RANBP2: variants seen among roughly 807,000 people sequenced by gnomAD.
The protein encoded by RANBP2 is E3 SUMO-protein ligase RanBP2.
A neutral mutation model predicts 303.6 loss-of-function variants in RANBP2; 57 were observed. The ratio of observed to expected loss-of-function variants is 0.19; its 90% CI spans 0.15 to 0.23. The LOEUF (loss-of-function observed/expected upper bound fraction) is 0.23. Among genes scored for constraint, RANBP2 ranks in the 10% least tolerant of loss-of-function variants. The probability of loss-of-function intolerance (pLI) is 1.00; values close to 1 mark genes in which losing one functional copy is unlikely to be tolerated. For missense variants in RANBP2, 3,138 were observed against 3,780.8 expected (o/e 0.83, Z 4.46); for synonymous variants, 1,167 against 1,301.5 (o/e 0.90, Z 2.23).
At chr2:109,405,839 A>C in the RANBP2 span, among the ~76,000 whole-genome samples, 12 of 152,218 alleles carry the variant, frequency 7.9e-5, no homozygotes, top group Admixed American at 1.3e-4. Flanking sequence ...CCTTGAAGGC[A>C]GGGCTAGGTG....
the RANBP2 span, among the ~76,000 whole-genome samples, chr2:109,668,641 A>G: frequency 2.0e-5 from 3 of 152,248 alleles, no homozygotes; most frequent in Non-Finnish European, 1.5e-5. Flanking sequence ...AAGAAAAGAG[A>G]AGAAAGCAAC....
chr2:109,185,998 C>T, the RANBP2 span, among the ~76,000 whole-genome samples: 1 of 152,226 alleles, frequency 6.6e-6, no homozygotes, highest in Non-Finnish European at 1.5e-5. Flanking sequence ...ACATTTCATA[C>T]CATTCTCTGG....
chr2:109,078,210 C>CAT, the RANBP2 span, among the ~76,000 whole-genome samples: 56 of 36,606 alleles, frequency 1.5e-3, 2 homozygotes, highest in Non-Finnish European at 2.3e-3. Context: ...ATATATATAG[C>CAT]GTATATATAT....
chr2:109,437,172 C>A, the RANBP2 span: 1 of 1,587,248 alleles, frequency 6.3e-7, no homozygotes, highest in East Asian at 2.3e-5. Flanking sequence ...CCTCACCCTG[C>A]AGGGCATCAA....
At chr2:109,321,091 T>G in the RANBP2 span, among the ~76,000 whole-genome samples, 46,541 of 152,154 alleles carry the variant, frequency 0.31, 8,715 homozygotes, top group African/African-American at 0.53. Flanking sequence ...TGATAATGAT[T>G]AGTGATAAGT....
the RANBP2 span, among the ~76,000 whole-genome samples, chr2:108,934,325 C>G: frequency 6.6e-5 from 10 of 152,160 alleles, no homozygotes; most frequent in African/African-American, 2.2e-4. Context: ...GGCCACTGGG[C>G]GCTGGGGGGC....
the RANBP2 span, among the ~76,000 whole-genome samples, chr2:109,489,019 G>C: frequency 6.6e-6 from 1 of 152,338 alleles, no homozygotes; most frequent in African/African-American, 2.4e-5. Flanking sequence ...AGCAGGAACA[G>C]CTGACCTCCA....
chr2:109,281,562 G>A, the RANBP2 span, among the ~76,000 whole-genome samples: 1 of 152,200 alleles, frequency 6.6e-6, no homozygotes, highest in Non-Finnish European at 1.5e-5. Context: ...GATTCACTGT[G>A]GGAGAGTTAA....
At chr2:109,614,402 C>G in the RANBP2 span, 2 of 1,029,546 alleles carry the variant, frequency 1.9e-6, no homozygotes, top group Admixed American at 4.5e-5. Context: ...CCGCCAGACT[C>G]CGCCGCCGTC....
chr2:109,179,784 G>A, the RANBP2 span, among the ~76,000 whole-genome samples: 2 of 152,184 alleles, frequency 1.3e-5, no homozygotes, highest in Non-Finnish European at 2.9e-5. Context: ...TGAATTTGGA[G>A]ATTGTGTTTT....
the RANBP2 span, among the ~76,000 whole-genome samples, chr2:109,096,632 T>C: frequency 1.3e-5 from 2 of 152,184 alleles, no homozygotes; most frequent in Admixed American, 6.5e-5. Flanking sequence ...CATGGAGAGC[T>C]GAAATGTTCA....
the RANBP2 span, among the ~76,000 whole-genome samples, chr2:108,843,886 C>G: frequency 2.0e-3 from 192 of 93,828 alleles, 2 homozygotes; most frequent in African/African-American, 9.4e-3. Context: ...GTGTTTCTTT[C>G]TTTTTTTTTT....
At chr2:109,644,723 G>A in the RANBP2 span, among the ~76,000 whole-genome samples, 23 of 152,290 alleles carry the variant, frequency 1.5e-4, 1 homozygote, top group East Asian at 4.1e-3. Context: ...GGATGAGGCC[G>A]CTGGGACTGG....
At chr2:108,926,940 G>C in the RANBP2 span, among the ~76,000 whole-genome samples, 1 of 152,222 alleles carries the variant, frequency 6.6e-6, no homozygotes, top group Non-Finnish European at 1.5e-5. Context: ...TGACAGCCTC[G>C]TAAGAGGAAG....
At chr2:108,794,569 A>C in the RANBP2 span, 17 of 1,612,712 alleles carry the variant, frequency 1.1e-5, 1 homozygote, top group East Asian at 4.5e-5. Context: ...GACCTCATCG[A>C]GACCTCGGAC....
chr2:109,565,697 G>T, the RANBP2 span: 1 of 1,296,308 alleles, frequency 7.7e-7, no homozygotes, highest in Non-Finnish European at 1.1e-6. Context: ...CCCAAAGAAG[G>T]CATGACAGGT....
chr2:109,760,361 CGCAG>C, the RANBP2 span: 3 of 177,098 alleles, frequency 1.7e-5, no homozygotes, highest in African/African-American at 2.6e-5. Flanking sequence ...GCGGCGGCGG[CGCAG>C]GGCCGGGGGC....
At chr2:109,038,146 G>A in the RANBP2 span, among the ~76,000 whole-genome samples, 8 of 152,164 alleles carry the variant, frequency 5.3e-5, no homozygotes, top group Non-Finnish European at 8.8e-5. Context: ...AAACATGCTC[G>A]ACTGATTTTT....
At chr2:109,659,385 AC>A in the RANBP2 span, among the ~76,000 whole-genome samples, 1 of 152,140 alleles carries the variant, frequency 6.6e-6, no homozygotes, top group Non-Finnish European at 1.5e-5. Context: ...AAAAACACAC[AC>A]AAAAAAACAA....
Sources: allele counts gnomAD v4.1 joint callset (sites outside exome capture counted in the v4.1 genomes callset), GRCh38; gene constraint gnomAD v4.1.1; transcripts MANE v1.5; gene names NCBI Gene and HGNC (gene_info 2026-07-23, HGNC 2026-07-21).